Variants in RIPK4 observed in about 807,000 individuals in gnomAD.
RIPK4 encodes the protein receptor-interacting serine/threonine-protein kinase 4.
A neutral mutation model predicts 42.9 loss-of-function variants in RIPK4; 17 were observed. The observed-to-expected ratio is 0.40, with a 90% CI of 0.27 to 0.59. RIPK4 has a LOEUF of 0.59. Ranked by LOEUF, RIPK4 falls within the 20% of genes least tolerant of loss-of-function variation. The probability of loss-of-function intolerance (pLI) is 0.47; values close to 1 mark genes in which losing one functional copy is unlikely to be tolerated. For synonymous variants in RIPK4, 498 were observed against 499.1 expected (o/e 1.00, Z 0.03); for missense variants, 897 against 1,104.4 (o/e 0.81, Z 2.66).
intron 3 of RIPK4, among the ~76,000 whole-genome samples, chr21:41,750,346 AAAGG>A (rs1310518625): frequency 2.0e-5 from 3 of 152,250 alleles, no homozygotes; most frequent in African/African-American, 7.2e-5. Flanking sequence ...ACAATTTGAA[AAAGG>A]AAGGGACTAG....
rs774291469 is a variant in RIPK4, at chr21:41,746,624, G to A, written c.821C>T (p.Pro274Leu). Residue 274 changes from proline to leucine, a missense_variant, in exon 5 of 8, where the codon CCC (proline) becomes CTC (leucine). Physicochemically the swap from Pro to Leu is moderately conservative, Grantham distance 98 (BLOSUM62 -3). Transcript: ENST00000332512. ...CCCGGGGTGCTCACCTTGGAAGGTG[G>A]GCCTAACTCGCGGATCCCCCTGCCA... ...RCWQGDPRVR[P>L]TFQEITSETE... The A allele has an allele frequency of 4.3e-6, 7 of 1,609,990 alleles. No individual in the cohort carries two copies. The highest frequency in any genetic ancestry group is 5.9e-6 in the Non-Finnish European group (7 of 1,179,666).
intron 1 of RIPK4, among the ~76,000 whole-genome samples, chr21:41,764,028 C>G (rs757088729): frequency 6.6e-6 from 1 of 152,204 alleles, no homozygotes; most frequent in Non-Finnish European, 1.5e-5. Flanking sequence ...CCCCACAGGA[C>G]CCTCCGAGGC....
intron 2 of RIPK4, among the ~76,000 whole-genome samples, chr21:41,756,175 C>T (rs1394936653): frequency 1.3e-5 from 2 of 152,194 alleles, no homozygotes; most frequent in African/African-American, 4.8e-5. Flanking sequence ...CTCGCAAGGA[C>T]ACACCTGGCC....
intron 7 of RIPK4, among the ~76,000 whole-genome samples, chr21:41,743,401 G>C (rs548312272): frequency 6.6e-6 from 1 of 152,244 alleles, no homozygotes; most frequent in African/African-American, 2.4e-5. Flanking sequence ...AAGGTGGCCT[G>C]GTGGTAAAAC....
rs137944144 is a variant in RIPK4, at chr21:41,746,273, G to A, written c.832+340C>T. On this transcript the variant is annotated intron_variant, in intron 5 of 7. Transcript: ENST00000332512. ...GAAGTCAACTCCTCAAGAGAAGGGC[G>A]ACGCCGCCGGCCACCGGCCAGGTAA... 1.1e-4 allele frequency: 61 copies of A among 578,154 alleles called. No individual in the cohort carries two copies. The East Asian group carries it at 1.1e-3, about 11-fold the overall frequency. The allele number at this position is 578,154 out of a possible 1,614,324, so 35.8% of individuals were successfully genotyped here. A position where few individuals can be genotyped will look rare whatever the true frequency, so the allele number is the denominator to read the frequency against.
At chr21:41,766,773 G>A in intron 1 of RIPK4, 87 bp downstream of exon 1, 1 of 1,384,120 alleles carries the variant, frequency 7.2e-7, no homozygotes, top group Non-Finnish European at 9.8e-7. Flanking sequence ...GTTCGGGAGA[G>A]AGAGGCAGGA....
At chr21:41,760,223 C>T (rs1301048995) in intron 1 of RIPK4, among the ~76,000 whole-genome samples, 1 of 152,222 alleles carries the variant, frequency 6.6e-6, no homozygotes, top group Admixed American at 6.5e-5. Flanking sequence ...CTTCAGTATT[C>T]CCAGCACTCA....
At position 41,750,468 on chromosome 21, in the gene RIPK4, C is replaced by T. The variant is rs567386130; in HGVS notation, c.623+629G>A. Among the ~76,000 whole-genome samples, 15 of 152,310 alleles carry T rather than the reference C, an allele frequency of 9.8e-5. 1 individual carries two copies. In the South Asian group the frequency reaches 2.9e-3, roughly 29 times the overall value. The stretch of plus-strand genomic sequence containing the variant: ...ATTTCGGAAAGTACAAACACACATG[C>T]GTACAGACCACTGAAAGCAGCAGGT... On this transcript the variant is annotated intron_variant, in intron 3 of 7. Coordinates refer to ENST00000332512, the MANE Select transcript of RIPK4 (RefSeq NM_020639.3).
rs1213926357 is a variant in RIPK4, at chr21:41,767,050, T to A, written c.-9A>T. ...CCGCCGTCGCCCTCCATCGCGCACG[T>A]CTAGCCAGCGCCGCGGCGGCTGCCC... On this transcript the variant is annotated 5_prime_UTR_variant, in exon 1 of 8. Transcript: ENST00000332512. The surrounding 1 kb of genome is among the most constrained non-coding windows in gnomAD (Gnocchi z 4.0). 1 of 1,538,370 alleles carries A rather than the reference T, an allele frequency of 6.5e-7. No individual in the cohort carries two copies. The highest frequency in any genetic ancestry group is 2.7e-5 in the East Asian group (1 of 37,668).
At chr21:41,756,128 T>C (rs760770831) in intron 2 of RIPK4, among the ~76,000 whole-genome samples, 26 of 152,116 alleles carry the variant, frequency 1.7e-4, no homozygotes, top group Non-Finnish European at 3.7e-4. Context: ...CTGAAAACAC[T>C]GAGGGAAATG....
chr21:41,758,139 C>T (rs1309654677), intron 1 of RIPK4, among the ~76,000 whole-genome samples: 1 of 148,740 alleles, frequency 6.7e-6, no homozygotes, highest in Non-Finnish European at 1.5e-5. Context: ...GTGTACAATT[C>T]CCTGACATTA....
Position 41,746,669 on chromosome 21 carries a change from A to T in RIPK4, c.776T>A (p.Ile259Lys). The change falls in exon 5 of 8, where the codon ATA becomes AAA. Residue 259 changes from isoleucine (I) to lysine (K), a missense_variant. Ile to Lys is a moderately radical substitution (Grantham distance 102, BLOSUM62 -3). Coordinates refer to ENST00000332512, the MANE Select transcript of RIPK4 (RefSeq NM_020639.3). The stretch of plus-strand genomic sequence containing the variant: ...CTGCCAGCACCGCTGCATGAGGCGT[A>T]TCAGGTGGCTGCAGGCGCGCGGCCG... ...RARPRACSHL[I>K]RLMQRCWQGD... 6.2e-7 allele frequency: 1 copy of T among 1,611,478 alleles called. No homozygotes were observed. The highest frequency in any genetic ancestry group is 2.2e-5 in the East Asian group (1 of 44,872).
chr21:41,746,809 G>A, intron 4 of RIPK4, 38 bp from the exon 5 acceptor site: 3 of 1,538,656 alleles, frequency 1.9e-6, no homozygotes, highest in Non-Finnish European at 2.6e-6. Flanking sequence ...GCTCTGCAGG[G>A]CTGGGTGGCA....
rs200130765 is a variant in RIPK4, at chr21:41,756,621, C to T, written c.378G>A (p.Ala126=). 56 of 1,613,866 alleles carry T rather than the reference C, an allele frequency of 3.5e-5. 1 individual carries two copies. The highest frequency in any genetic ancestry group is 3.3e-4 in the Middle Eastern group (2 of 6,084). ...TGCAGTGCAGGAAGTTCATGCCCAC[C>T]GCCGTCTCGTGGATGATTCGGAACC... ...DLRFRIIHET[A]VGMNFLHCMA... is the part of the protein sequence containing the mutation. Residue 126 remains alanine, a synonymous_variant, in exon 2 of 8, where the codon GCG becomes GCA. Transcript: ENST00000332512.
At position 41,742,549 on chromosome 21, in the gene RIPK4, G is replaced by A. The variant is rs902967183; in HGVS notation, c.1196-552C>T. On this transcript the variant is annotated intron_variant, in intron 7 of 7. Transcript: ENST00000332512. The surrounding 1 kb of genome is among the most constrained non-coding windows in gnomAD (Gnocchi z 5.1). The stretch of plus-strand genomic sequence containing the variant: ...TAATCCTGAAGGGACCGAGCTTCTC[G>A]TTTCAGGAGGACGTTAGTCCAGCAC... Among the ~76,000 whole-genome samples, 5 of 152,152 alleles carry A rather than the reference G, an allele frequency of 3.3e-5. No individual in the cohort carries two copies. The highest frequency in any genetic ancestry group is 2.1e-4 in the South Asian group (1 of 4,818).
intron 1 of RIPK4, among the ~76,000 whole-genome samples, chr21:41,762,432 C>T (rs1485591510): frequency 6.6e-6 from 1 of 152,230 alleles, no homozygotes; most frequent in East Asian, 1.9e-4. Context: ...CCAAAACCCA[C>T]ACGACCCCGC....
chr21:41,747,966 A>G (rs1485661548), intron 4 of RIPK4, among the ~76,000 whole-genome samples: 3 of 152,236 alleles, frequency 2.0e-5, no homozygotes. Context: ...CACTAGGCAT[A>G]TTCAGCAATA....
Position 41,739,584 on chromosome 21 carries a change from G to C in RIPK4, c.*1254C>G, listed in dbSNP as rs1255466186. On this transcript the variant is annotated 3_prime_UTR_variant, in exon 8 of 8. Transcript: ENST00000332512. ...TAATATCAATCTCTATCATATACCA[G>C]GCCACGGTACATGTTTGCACGCAGG... The C allele has an allele frequency of 6.6e-6, 1 of 152,136 alleles. No homozygotes were observed. Among genetic ancestry groups the C allele is most frequent in the Non-Finnish European group, 1.5e-5 (1 of 68,030 alleles). 9.4% of individuals were successfully genotyped at this position (152,136 alleles called of 1,614,324 possible). A position where few individuals can be genotyped will look rare whatever the true frequency, so the allele number is the denominator to read the frequency against.
In RIPK4 at chr21:41,745,774, C is replaced by CG. The variant is rs746595711; in HGVS notation, c.920dup (p.Glu308GlyfsTer21). On this transcript the variant is annotated frameshift_variant, in exon 6 of 8. Coordinates refer to ENST00000332512, the MANE Select transcript of RIPK4 (RefSeq NM_020639.3). LOFTEE classifies it high-confidence loss of function. ...GACTCGTTACCTCGCTCCTGGGCTC[C>CG]GGGGGGCTTTTCACGTCCAGATCAT... 1 of 1,613,910 alleles carries CG rather than the reference C, an allele frequency of 6.2e-7. No individual in the cohort carries two copies. The highest frequency in any genetic ancestry group is 8.5e-7 in the Non-Finnish European group (1 of 1,179,830).
Sources: gnomAD v4.1 joint callset for allele counts (sites outside exome capture counted in the v4.1 genomes callset) on GRCh38, gnomAD v4.1.1 for gene constraint, Gnocchi (gnomAD v3.1) non-coding constraint, MANE v1.5 for transcripts, NCBI Gene and HGNC (gene_info 2026-07-23, HGNC 2026-07-21) for gene names.